SACS: variants seen among roughly 807,000 people sequenced by gnomAD.
SACS encodes the protein sacsin.
A neutral mutation model predicts 348.0 loss-of-function variants in SACS; 197 were observed. The ratio of observed to expected loss-of-function variants is 0.57; its 90% confidence interval spans 0.50 to 0.64. SACS has a LOEUF of 0.64. SACS is among the 30% of genes least tolerant of loss of function. The pLI is 0.00. For synonymous variants in SACS, 1,985 were observed against 1,910.6 expected, an observed-to-expected ratio of 1.04 and a Z score of -1.02; for missense variants, 4,999 against 5,360.8, an observed-to-expected ratio of 0.93 and a Z score of 2.11.
intron 3 of SACS, among the ~76,000 whole-genome samples, chr13:23,374,487 TAA>T (rs1871616523): frequency 1.3e-5 from 2 of 152,226 alleles, no homozygotes; most frequent in African/African-American, 2.4e-5. Flanking sequence ...AGAAATGTTT[TAA>T]AAGAGTTAAC....
chr13:23,414,342 G>C, intron 1 of SACS, among the ~76,000 whole-genome samples: 1 of 152,094 alleles, frequency 6.6e-6, no homozygotes, highest in East Asian at 1.9e-4. Flanking sequence ...ACGTTTATAT[G>C]AATATAAAAC....
chr13:23,368,865 AT>A lies in SACS; in HGVS notation c.260-379del, dbSNP rs576527786. 4.6e-3 allele frequency among the ~76,000 whole-genome samples: 698 copies of A among 151,872 alleles called. 1 individual carries two copies. The highest frequency in any genetic ancestry group is 5.6e-3 in the Non-Finnish European group (383 of 67,910). ...AGGTGCCCACCACCATGCCCAGCTAATTTTTTTGTATTTTTAGTAGAGATGG... is the reference window on the plus strand; with the variant it reads ...AGGTGCCCACCACCATGCCCAGCTAATTTTTTGTATTTTTAGTAGAGATGG... On this transcript the variant is annotated intron_variant, in intron 4 of 9. Coordinates refer to ENST00000382292, the MANE Select transcript of SACS (RefSeq NM_014363.6).
Position 23,355,751 on chromosome 13 carries a change from G to A in SACS, c.861C>T (p.Tyr287=), listed in dbSNP as rs200877272. Residue 287 remains tyrosine (Y), a synonymous_variant, in exon 8 of 10, where the codon TAC becomes TAT. Transcript: ENST00000382292. ...LQPSQLSSNL[Y]NKQKVLELFE... ...ACAACTCAAGAACCTTCTGCTTATT[G>A]TAGAGGTTACTACTAAGTTGTGAAG... The A allele has an allele frequency of 1.2e-4, 189 of 1,614,218 alleles. 1 individual carries two copies. In the East Asian group the frequency reaches 4.1e-3, roughly 35 times the overall value.
Position 23,340,348 on chromosome 13 carries a change from A to T in SACS, c.3528T>A (p.Asp1176Glu). ...NYPGSLVWKG[D>E]LCNLCAPPDM... Reference sequence around the variant, plus strand: ...CTGGTGGTGCACAGAGATTACAGAGATCTCCTTTCCAGACCAAAGAGCCTG... The same window carrying T: ...CTGGTGGTGCACAGAGATTACAGAGTTCTCCTTTCCAGACCAAAGAGCCTG... Residue 1176 changes from aspartate to glutamate, a missense_variant, in exon 10 of 10, where the codon GAT becomes GAA. This residue lies in a region of SACS where 3,156 missense variants were observed against 3,380.1 expected (regional missense o/e 0.93). Transcript: ENST00000382292. 6.2e-7 allele frequency: 1 copy of T among 1,613,912 alleles called. No homozygotes were observed. The highest frequency in any genetic ancestry group is 8.5e-7 in the Non-Finnish European group (1 of 1,179,938).
chr13:23,409,040 CTTTTTTTTTTT>C (rs1175897856), intron 2 of SACS, among the ~76,000 whole-genome samples: 613 of 35,148 alleles, frequency 0.017, 13 homozygotes, highest in African/African-American at 0.063. Flanking sequence ...ACAAGTTTTA[CTTTTTTTTTTT>C]TTTTTTTTTT....
intron 1 of SACS, among the ~76,000 whole-genome samples, chr13:23,413,760 A>G (rs1174233422): frequency 6.6e-6 from 1 of 152,222 alleles, no homozygotes; most frequent in South Asian, 2.1e-4. Flanking sequence ...AAACATATCA[A>G]TGCAAAATCT....
intron 5 of SACS, among the ~76,000 whole-genome samples, chr13:23,365,651 A>G (rs1379943979): frequency 2.6e-5 from 4 of 152,210 alleles, no homozygotes; most frequent in Admixed American, 2.6e-4. Context: ...AGGTAACTTA[A>G]GCTTGAGTGA....
rs1454802562 is a variant in SACS, at chr13:23,341,629, T to C, written c.2247A>G (p.Glu749=). ...NPERFARLIK[E]VMNTFWPGRE... is the part of the protein sequence containing the mutation. ...TGCCAGGCCAGAATGTATTCATTACTTCCTTGATAAGACGTGCAAATCGTT... is the reference window on the plus strand; with the variant it reads ...TGCCAGGCCAGAATGTATTCATTACCTCCTTGATAAGACGTGCAAATCGTT... The change falls in exon 10 of 10, where the codon GAA becomes GAG. Residue 749 remains glutamate (E), a synonymous_variant. Transcript: ENST00000382292. 1.2e-6 allele frequency: 2 copies of C among 1,613,680 alleles called. No homozygotes were observed. The highest frequency in any genetic ancestry group is 4.5e-5 in the East Asian group (2 of 44,872).
intron 1 of SACS, among the ~76,000 whole-genome samples, chr13:23,416,078 G>A (rs941798505): frequency 1.3e-5 from 2 of 152,112 alleles, no homozygotes; most frequent in African/African-American, 2.4e-5. Context: ...TCAGGAGTTC[G>A]TGACCAGCCT....
chr13:23,338,779 T>G lies in SACS; in HGVS notation c.5097A>C (p.Lys1699Asn). 1 of 1,611,406 alleles carries G rather than the reference T, an allele frequency of 6.2e-7. No homozygotes were observed. Among genetic ancestry groups the G allele is most frequent in the Non-Finnish European group, 8.5e-7 (1 of 1,179,336 alleles). The change falls in exon 10 of 10, where the codon AAA becomes AAC. Residue 1699 changes from lysine to asparagine, a missense_variant. Physicochemically the swap from Lys to Asn is moderately conservative, Grantham distance 94. Around this residue, in one of 6 missense-constraint regions of SACS, gnomAD observed 3,156 missense variants for 3,380.1 expected, o/e 0.93. Coordinates refer to ENST00000382292, the MANE Select transcript of SACS (RefSeq NM_014363.6). ...CTAAACTGGGGTTGGTTTCCTCAATTTTCAAGTACTTCAAATACATTGACT... is the reference window on the plus strand; with the variant it reads ...CTAAACTGGGGTTGGTTTCCTCAATGTTCAAGTACTTCAAATACATTGACT... ...SVKSMYLKYLKIEETNPSLAQ... is the reference protein window; with the variant it reads ...SVKSMYLKYLNIEETNPSLAQ...
Position 23,338,904 on chromosome 13 carries a change from C to T in SACS, c.4972G>A (p.Glu1658Lys), listed in dbSNP as rs748471785. Residue 1658 changes from glutamate to lysine, a missense_variant, in exon 10 of 10, where the codon GAA (glutamate) becomes AAA (lysine). This residue lies in a region of SACS where 3,156 missense variants were observed against 3,380.1 expected (regional missense o/e 0.93). Coordinates refer to ENST00000382292, the MANE Select transcript of SACS (RefSeq NM_014363.6). ...GTATTGTAGCACGTACTACTAACTT[C>T]ACTCACTTTTGCTTCCTGTTGAGTT... ...FRTQQEAKVS[E>K]VSSTCYNTAD... The T allele has an allele frequency of 1.9e-5, 30 of 1,612,940 alleles. No homozygotes were observed. The South Asian group carries it at 3.2e-4, about 17-fold the overall frequency.
At chr13:23,429,345 A>ATTTTT (rs536939164) in intron 1 of SACS, among the ~76,000 whole-genome samples, 1,404 of 51,490 alleles carry the variant, frequency 0.027, 397 homozygotes, top group Non-Finnish European at 0.037. Flanking sequence ...TGAGGTAGGG[A>ATTTTT]TTTTTTTTTT....
chr13:23,356,256 T>G lies in SACS; in HGVS notation c.605-249A>C, dbSNP rs532592820. On this transcript the variant is annotated intron_variant, in intron 7 of 9. Transcript: ENST00000382292. ...GATTACTGTGAAAACCTAGGAGACA[T>G]CTTCAAAAACTCACTACACAAAAGA... Among the ~76,000 whole-genome samples the G allele has an allele frequency of 2.0e-5, 3 of 152,298 alleles. No individual in the cohort carries two copies. The East Asian group carries it at 5.8e-4, about 29-fold the overall frequency.
At position 23,428,496 on chromosome 13, in the gene SACS, G is replaced by A. The variant is rs549200887; in HGVS notation, c.-502+5119C>T. 4.6e-5 allele frequency: 7 copies of A among 152,292 alleles called. No homozygotes were observed. In the East Asian group the frequency reaches 1.2e-3, roughly 25 times the overall value. 9.4% of individuals were successfully genotyped at this position (152,292 alleles called of 1,614,324 possible). A position where few individuals can be genotyped will look rare whatever the true frequency, so the allele number is the denominator to read the frequency against. On this transcript the variant is annotated intron_variant, in intron 1 of 9. Transcript: ENST00000382292. The stretch of plus-strand genomic sequence containing the variant: ...TGGATGACATTAATGAAAGACCTGT[G>A]TTGGCATAGTGTGCTGCAGGAAAGG...
chr13:23,359,118 G>A (rs1870574786), intron 6 of SACS, among the ~76,000 whole-genome samples: 1 of 152,032 alleles, frequency 6.6e-6, no homozygotes, highest in Admixed American at 6.6e-5. Flanking sequence ...AGAGGCAGAG[G>A]CTTCAGTGAG....
At chr13:23,404,416 T>C (rs1301182404) in intron 2 of SACS, among the ~76,000 whole-genome samples, 4 of 152,156 alleles carry the variant, frequency 2.6e-5, no homozygotes, top group African/African-American at 4.8e-5. Flanking sequence ...ATTCATGGAA[T>C]GTATCTCAAA....
At chr13:23,368,166 A>C (rs538295488) in intron 5 of SACS, among the ~76,000 whole-genome samples, 1 of 152,304 alleles carries the variant, frequency 6.6e-6, no homozygotes, top group Admixed American at 6.5e-5. Context: ...ACTGCTGATT[A>C]CAGCACCCAG....
intron 2 of SACS, among the ~76,000 whole-genome samples, chr13:23,402,523 T>TATTGAA (rs1361156841): frequency 1.3e-5 from 2 of 152,202 alleles, no homozygotes; most frequent in Admixed American, 6.5e-5. Context: ...TTGCATAAGT[T>TATTGAA]CAATAGGAAT....
At chr13:23,402,124 G>T (rs1352076059) in intron 2 of SACS, among the ~76,000 whole-genome samples, 3 of 151,542 alleles carry the variant, frequency 2.0e-5, no homozygotes, top group African/African-American at 7.3e-5. Flanking sequence ...CTTGCAGTGA[G>T]CTGAGATTGC....
Sources: gnomAD v4.1 joint callset for allele counts (sites outside exome capture counted in the v4.1 genomes callset) on GRCh38, gnomAD v4.1.1 for gene constraint, gnomAD v4.1.1 regional missense constraint, MANE v1.5 for transcripts, NCBI Gene and HGNC (gene_info 2026-07-23, HGNC 2026-07-21) for gene names.